The following GRM5 variants were observed in gnomAD, a reference collection of about 807,000 sequenced individuals.
GRM5 encodes metabotropic glutamate receptor 5.
A neutral mutation model predicts 83.1 loss-of-function variants in GRM5; 19 were observed. The observed-to-expected ratio is 0.23, with a 90% CI of 0.16 to 0.34. The LOEUF (loss-of-function observed/expected upper bound fraction) is 0.34, where lower values mean the gene tolerates loss of function less well. Ranked by LOEUF, GRM5 falls within the 10% of genes least tolerant of loss-of-function variation. The pLI, the probability that GRM5 is intolerant of heterozygous loss-of-function variation, is 1.00. For synonymous variants in GRM5, 675 were observed against 633.6 expected, an observed-to-expected ratio of 1.07 and a Z score of -0.98; for missense variants, 1,160 against 1,588.3, an observed-to-expected ratio of 0.73 and a Z score of 4.58.
Position 88,868,480 on chromosome 11 carries a change from AT to A in GRM5, c.662-18326del, listed in dbSNP as rs200855264. ...GACATATAAATAAGGCTAGAGTAGT[AT>A]TTTTTAATATTAATTACACACATTT... On this transcript the variant is annotated intron_variant, in intron 2 of 9. Transcript: ENST00000305447. 2.6e-5 allele frequency among the ~76,000 whole-genome samples: 4 copies of A among 151,710 alleles called. No homozygotes were observed. The South Asian group carries it at 6.2e-4, about 24-fold the overall frequency.
At chr11:88,853,295 T>C (rs1244608997) in intron 2 of GRM5, among the ~76,000 whole-genome samples, 1 of 152,066 alleles carries the variant, frequency 6.6e-6, no homozygotes, top group Non-Finnish European at 1.5e-5. Flanking sequence ...CAATAAAATA[T>C]ATTTGTTATC....
chr11:88,568,708 T>C (rs1375352961), intron 7 of GRM5, among the ~76,000 whole-genome samples: 4 of 152,158 alleles, frequency 2.6e-5, no homozygotes, highest in Admixed American at 6.6e-5. Flanking sequence ...TAGAGCCATA[T>C]AGAGTGTTTG....
intron 3 of GRM5, among the ~76,000 whole-genome samples, chr11:88,751,280 C>T (rs555905366): frequency 6.6e-6 from 1 of 152,142 alleles, no homozygotes; most frequent in East Asian, 1.9e-4. Context: ...CATATTACCA[C>T]TTACCCCATA....
chr11:88,784,943 C>G (rs1331226977), intron 3 of GRM5, among the ~76,000 whole-genome samples: 1 of 151,994 alleles, frequency 6.6e-6, no homozygotes, highest in East Asian at 1.9e-4. Context: ...ACATATAAAT[C>G]ATAGACTAAG....
intron 4 of GRM5, among the ~76,000 whole-genome samples, chr11:88,632,590 G>A (rs566132291): frequency 3.9e-5 from 6 of 152,242 alleles, no homozygotes; most frequent in African/African-American, 1.4e-4. Flanking sequence ...TCCATTACAT[G>A]AATATATCAC....
intron 3 of GRM5, among the ~76,000 whole-genome samples, chr11:88,718,440 A>G (rs572119274): frequency 1.3e-5 from 2 of 152,110 alleles, no homozygotes; most frequent in South Asian, 2.1e-4. Context: ...GTGGAATTAA[A>G]AGAGTGGTGT....
intron 3 of GRM5, among the ~76,000 whole-genome samples, chr11:88,674,120 T>C (rs1001933440): frequency 6.6e-6 from 1 of 151,786 alleles, no homozygotes; most frequent in East Asian, 1.9e-4. Flanking sequence ...TGTATTTAGG[T>C]GTGAGAGGGA....
At chr11:88,678,322 G>C (rs1432417400) in intron 3 of GRM5, among the ~76,000 whole-genome samples, 1 of 152,018 alleles carries the variant, frequency 6.6e-6, no homozygotes, top group Non-Finnish European at 1.5e-5. Context: ...GCCTCCCGAA[G>C]CACTGGTATT....
chr11:88,813,277 G>T (rs1295055690), intron 3 of GRM5, among the ~76,000 whole-genome samples: 1 of 152,092 alleles, frequency 6.6e-6, no homozygotes, highest in Non-Finnish European at 1.5e-5. Context: ...TGCAGGTAGG[G>T]GGTACTAAAT....
chr11:88,572,655 T>G (rs1345902441), intron 7 of GRM5, among the ~76,000 whole-genome samples: 1 of 152,126 alleles, frequency 6.6e-6, no homozygotes, highest in South Asian at 2.1e-4. Flanking sequence ...TAAATTTAAA[T>G]TCTCAGTGAT....
At chr11:88,990,374 C>G (rs1370839282) in intron 2 of GRM5, among the ~76,000 whole-genome samples, 4 of 150,320 alleles carry the variant, frequency 2.7e-5, no homozygotes, top group Non-Finnish European at 6.0e-5. Context: ...TAATCAATAG[C>G]TTACCAACCA....
At chr11:88,883,250 G>A (rs1211128042) in intron 2 of GRM5, among the ~76,000 whole-genome samples, 1 of 152,200 alleles carries the variant, frequency 6.6e-6, no homozygotes, top group African/African-American at 2.4e-5. Context: ...ACAGAAAGAT[G>A]TGGGAAAGTT....
chr11:88,773,358 G>A (rs1301431841), intron 3 of GRM5, among the ~76,000 whole-genome samples: 1 of 152,058 alleles, frequency 6.6e-6, no homozygotes, highest in Non-Finnish European at 1.5e-5. Flanking sequence ...TTAGCCCTTC[G>A]TCAGGTGGGT....
At chr11:88,659,612 T>C (rs1201346147) in intron 3 of GRM5, among the ~76,000 whole-genome samples, 2 of 152,206 alleles carry the variant, frequency 1.3e-5, no homozygotes, top group African/African-American at 4.8e-5. Flanking sequence ...TTCATTATAT[T>C]AAATTTATGA....
At chr11:88,994,620 A>C (rs1403615341) in intron 2 of GRM5, among the ~76,000 whole-genome samples, 3 of 149,424 alleles carry the variant, frequency 2.0e-5, no homozygotes, top group Non-Finnish European at 3.0e-5. Flanking sequence ...GAAAAAAAAA[A>C]AAAAAAACAG....
intron 9 of GRM5, among the ~76,000 whole-genome samples, chr11:88,514,026 C>T (rs948702858): frequency 6.6e-6 from 1 of 151,964 alleles, no homozygotes; most frequent in African/African-American, 2.4e-5. Context: ...TATGGCACGT[C>T]ACCTTCCCTC....
intron 3 of GRM5, among the ~76,000 whole-genome samples, chr11:88,845,838 G>A (rs1944296109): frequency 6.6e-6 from 1 of 152,044 alleles, no homozygotes; most frequent in Non-Finnish European, 1.5e-5. Flanking sequence ...TCCAAGGAAT[G>A]CCTGTATACT....
chr11:88,812,601 C>T (rs1943606869), intron 3 of GRM5, among the ~76,000 whole-genome samples: 1 of 152,044 alleles, frequency 6.6e-6, no homozygotes, highest in African/African-American at 2.4e-5. Context: ...GTGGAAGAGA[C>T]AAAAATATTT....
chr11:88,649,233 GTA>G (rs995546491), intron 4 of GRM5, among the ~76,000 whole-genome samples: 2 of 133,112 alleles, frequency 1.5e-5, no homozygotes, highest in African/African-American at 2.9e-5. Context: ...TGTATATATA[GTA>G]TATATATCAC....
Sources: allele counts gnomAD v4.1 joint callset (sites outside exome capture counted in the v4.1 genomes callset), GRCh38; gene constraint gnomAD v4.1.1; transcripts MANE v1.5; gene names NCBI Gene and HGNC (gene_info 2026-07-23, HGNC 2026-07-21).